INPP4B: variants seen among roughly 807,000 people sequenced by gnomAD.
The protein encoded by INPP4B is inositol polyphosphate-4-phosphatase type II B, also known as inositol polyphosphate 4-phosphatase type II.
INPP4B carries 55 observed loss-of-function variants against 122.5 expected under a neutral mutation model. The observed-to-expected ratio is 0.45, with a 90% confidence interval of 0.36 to 0.56. The LOEUF (loss-of-function observed/expected upper bound fraction) is 0.56. Ranked by LOEUF, INPP4B falls within the 20% of genes least tolerant of loss-of-function variation. The pLI, the probability that INPP4B is intolerant of heterozygous loss-of-function variation, is 0.00. For missense variants in INPP4B, 1,000 were observed against 1,097.7 expected (o/e 0.91, Z 1.26); for synonymous variants, 403 against 388.7 (o/e 1.04, Z -0.43).
At chr4:142,411,748 T>C (rs1804637117) in intron 5 of INPP4B, among the ~76,000 whole-genome samples, 1 of 152,016 alleles carries the variant, frequency 6.6e-6, no homozygotes, top group Non-Finnish European at 1.5e-5. Flanking sequence ...AAAAATTAGC[T>C]GGGCATGGTG....
intron 25 of INPP4B, among the ~76,000 whole-genome samples, chr4:142,068,364 C>T (rs182521857): frequency 3.3e-4 from 50 of 152,282 alleles, no homozygotes; most frequent in Admixed American, 1.5e-3. Flanking sequence ...TCAGTACCAG[C>T]CACTGCAAAA....
chr4:142,508,336 C>T (rs968400614), intron 2 of INPP4B, among the ~76,000 whole-genome samples: 5 of 152,128 alleles, frequency 3.3e-5, no homozygotes, highest in African/African-American at 4.8e-5. Context: ...AGTGCAGTGG[C>T]GCAATTGGCT....
intron 8 of INPP4B, among the ~76,000 whole-genome samples, chr4:142,308,875 G>A (rs2636638): frequency 0.6 from 91,649 of 151,902 alleles, 27,861 homozygotes; most frequent in East Asian, 0.72. Flanking sequence ...CTCTAAATCA[G>A]TTATTCTGTC....
chr4:142,633,367 A>G (rs1026352353), intron 2 of INPP4B, among the ~76,000 whole-genome samples: 1 of 152,184 alleles, frequency 6.6e-6, no homozygotes, highest in Non-Finnish European at 1.5e-5. Flanking sequence ...TGCTGAAGAT[A>G]AATGCAAGTA....
At chr4:142,317,304 C>T in intron 7 of INPP4B, 2 of 381,648 alleles carry the variant, frequency 5.2e-6, no homozygotes, top group Non-Finnish European at 1.1e-5. Flanking sequence ...TCTTATCAGG[C>T]TCAGCCTAGA....
At chr4:142,514,584 G>A (rs1469149617) in intron 2 of INPP4B, 2 of 152,056 alleles carry the variant, frequency 1.3e-5, no homozygotes, top group Non-Finnish European at 2.9e-5. Context: ...TAAGAGCATG[G>A]GCTATGAATG....
chr4:142,804,939 T>C (rs1182657102), intron 1 of INPP4B, among the ~76,000 whole-genome samples: 1 of 152,210 alleles, frequency 6.6e-6, no homozygotes, highest in Non-Finnish European at 1.5e-5. Flanking sequence ...AGTTCTGGGA[T>C]TACAGGCATG....
At chr4:142,500,042 G>A (rs761571250) in intron 2 of INPP4B, among the ~76,000 whole-genome samples, 2 of 152,044 alleles carry the variant, frequency 1.3e-5, no homozygotes, top group African/African-American at 2.4e-5. Flanking sequence ...ATAAATCCAG[G>A]AGCTCCCTTT....
intron 2 of INPP4B, among the ~76,000 whole-genome samples, chr4:142,622,186 C>A (rs909294962): frequency 6.6e-6 from 1 of 151,886 alleles, no homozygotes; most frequent in African/African-American, 2.4e-5. Context: ...CCAAAAAGCT[C>A]AATGTGGGCC....
At chr4:142,464,139 T>C (rs1321542251) in intron 2 of INPP4B, among the ~76,000 whole-genome samples, 1 of 152,156 alleles carries the variant, frequency 6.6e-6, no homozygotes, top group Non-Finnish European at 1.5e-5. Flanking sequence ...AGTTTGGGCA[T>C]TTTACTACTA....
At chr4:142,666,679 T>G (rs1002191065) in intron 2 of INPP4B, among the ~76,000 whole-genome samples, 1 of 152,058 alleles carries the variant, frequency 6.6e-6, no homozygotes, top group Non-Finnish European at 1.5e-5. Flanking sequence ...GTGTGTACTT[T>G]TCTTGCTGTT....
rs757124910 is a variant in INPP4B, at chr4:142,431,245, C to T, written c.15G>A (p.Glu5=). The part of the protein sequence containing the change: MEIK[E]EGASEEGQHF... Reference sequence around the variant, plus strand: ...GCTGCCCTTCTTCTGATGCCCCTTCCTCTTTAATTTCCATGATCAACCTTC... The same window carrying T: ...GCTGCCCTTCTTCTGATGCCCCTTCTTCTTTAATTTCCATGATCAACCTTC... Residue 5 remains glutamate (E), a synonymous_variant, in exon 4 of 26, where the codon GAG becomes GAA. Coordinates refer to ENST00000262992, the MANE Select transcript of INPP4B (RefSeq NM_001101669.3). 1.4e-5 allele frequency: 22 copies of T among 1,613,094 alleles called. No individual in the cohort carries two copies. The highest frequency in any genetic ancestry group is 1.8e-5 in the Non-Finnish European group (21 of 1,179,244).
intron 25 of INPP4B, among the ~76,000 whole-genome samples, chr4:142,035,403 C>T (rs2667087): frequency 0.1 from 15,806 of 152,104 alleles, 1,489 homozygotes; most frequent in African/African-American, 0.25. Flanking sequence ...TGTGCACCTA[C>T]GTTGGCACCT....
intron 1 of INPP4B, among the ~76,000 whole-genome samples, chr4:142,807,315 G>A (rs1364387206): frequency 6.6e-6 from 1 of 152,210 alleles, no homozygotes; most frequent in Non-Finnish European, 1.5e-5. Context: ...CATAGGAATA[G>A]AGAAGAGGAA....
At chr4:142,749,705 T>G (rs1769355504) in intron 1 of INPP4B, among the ~76,000 whole-genome samples, 1 of 151,978 alleles carries the variant, frequency 6.6e-6, no homozygotes, top group Non-Finnish European at 1.5e-5. Context: ...TACAATTCTT[T>G]TGGAAGAATA....
At chr4:142,275,338 C>CA (rs1234762159) in intron 9 of INPP4B, among the ~76,000 whole-genome samples, 5 of 151,574 alleles carry the variant, frequency 3.3e-5, no homozygotes, top group Admixed American at 3.3e-4. Context: ...AGATACAAAC[C>CA]AAAAAATGAC....
chr4:142,423,259 A>G (rs17016109), intron 5 of INPP4B, among the ~76,000 whole-genome samples: 4,981 of 152,202 alleles, frequency 0.033, 294 homozygotes, highest in African/African-American at 0.11. Context: ...TAAAGTATGA[A>G]TGGACCTGAC....
At chr4:142,833,143 T>C (rs1581019852) in intron 1 of INPP4B, among the ~76,000 whole-genome samples, 1 of 151,860 alleles carries the variant, frequency 6.6e-6, no homozygotes, top group South Asian at 2.1e-4. Context: ...TATATGACAA[T>C]AGGGAATGGC....
chr4:142,491,020 T>G (rs573984959), intron 2 of INPP4B, among the ~76,000 whole-genome samples: 1 of 152,298 alleles, frequency 6.6e-6, no homozygotes, highest in Admixed American at 6.5e-5. Flanking sequence ...AATACTGCAA[T>G]GAACATGGCA....
Sources: allele counts gnomAD v4.1 joint callset (sites outside exome capture counted in the v4.1 genomes callset), GRCh38; gene constraint gnomAD v4.1.1; transcripts MANE v1.5; gene names NCBI Gene and HGNC (gene_info 2026-07-23, HGNC 2026-07-21).